The following ALDH1A1 variants were observed in gnomAD, a reference collection of about 807,000 sequenced individuals.
The protein encoded by ALDH1A1 is aldehyde dehydrogenase 1 family member A1, also known as aldehyde dehydrogenase 1A1.
Under a neutral mutation model 62.1 loss-of-function variants are expected in ALDH1A1, and 19 were observed. The observed-to-expected ratio is 0.31, with a 90% CI of 0.21 to 0.45. The LOEUF is 0.45. Ranked by LOEUF, ALDH1A1 falls within the 20% of genes least tolerant of loss-of-function variation. The pLI, the probability that ALDH1A1 is intolerant of heterozygous loss-of-function variation, is 1.00. For missense variants in ALDH1A1, 521 were observed against 607.1 expected, an observed-to-expected ratio of 0.86 and a Z score of 1.49; for synonymous variants, 231 against 215.9, an observed-to-expected ratio of 1.07 and a Z score of -0.61.
At chr9:72,908,668 G>T (rs1829938518) in intron 11 of ALDH1A1, among the ~76,000 whole-genome samples, 1 of 151,826 alleles carries the variant, frequency 6.6e-6, no homozygotes, top group African/African-American at 2.4e-5. Flanking sequence ...ACTTAGTGTT[G>T]GGAAGGAAAA....
intron 5 of ALDH1A1, 104 bp from the exon 6 acceptor site, chr9:72,925,716 C>T (rs540951235): frequency 2.9e-5 from 38 of 1,312,300 alleles, no homozygotes; most frequent in East Asian, 1.0e-4. Flanking sequence ...GTAATAATTG[C>T]GTAGTTTTGT....
intron 7 of ALDH1A1, among the ~76,000 whole-genome samples, 170 bp from the exon 8 acceptor site, chr9:72,918,992 G>A (rs1431460202): frequency 6.6e-6 from 1 of 152,076 alleles, no homozygotes; most frequent in African/African-American, 2.4e-5. Context: ...CTGGGCTGGA[G>A]TGCAGTGGCG....
intron 11 of ALDH1A1, among the ~76,000 whole-genome samples, chr9:72,908,616 AAAGAAAGAAAG>A (rs1829934315): frequency 8.6e-6 from 1 of 115,874 alleles, no homozygotes; most frequent in Non-Finnish European, 1.9e-5. Context: ...AGAAAGAAAG[AAAGAAAGAAAG>A]AGAATATTGC....
chr9:72,903,629 A>G (rs2118471891), intron 12 of ALDH1A1, among the ~76,000 whole-genome samples: 1 of 151,416 alleles, frequency 6.6e-6, no homozygotes, highest in East Asian at 1.9e-4. Flanking sequence ...AAAACCCACA[A>G]CTTTTTCCTT....
chr9:72,936,755 G>T (rs1018353499), intron 2 of ALDH1A1, among the ~76,000 whole-genome samples: 3 of 152,264 alleles, frequency 2.0e-5, no homozygotes, highest in Middle Eastern at 6.8e-3. Flanking sequence ...TTTCAGAGAG[G>T]TGCAGAGTGA....
chr9:72,930,872 T>A lies in ALDH1A1; in HGVS notation c.312+7A>T, dbSNP rs983134456. The A allele has an allele frequency of 6.2e-7, 1 of 1,613,944 alleles. No individual in the cohort carries two copies. Among genetic ancestry groups the A allele is most frequent in the Admixed American group, 1.7e-5 (1 of 60,016 alleles). ...CTAGCTACCCATCCAGCTTGGATAATACTCACCGCCAGCAGCAGACGATCT... is the reference window on the plus strand; with the variant it reads ...CTAGCTACCCATCCAGCTTGGATAAAACTCACCGCCAGCAGCAGACGATCT... On this transcript the variant is annotated splice_region_variant and intron_variant, in intron 3 of 12. Coordinates refer to ENST00000297785, the MANE Select transcript of ALDH1A1 (RefSeq NM_000689.5).
In ALDH1A1 at chr9:72,938,894, C is replaced by T. The variant is rs191106742; in HGVS notation, c.171+1254G>A. Among the ~76,000 whole-genome samples the T allele has an allele frequency of 3.1e-4, 47 of 152,068 alleles. No homozygotes were observed. The East Asian group carries it at 8.3e-3, about 27-fold the overall frequency. On this transcript the variant is annotated intron_variant, in intron 2 of 12. Coordinates refer to ENST00000297785, the MANE Select transcript of ALDH1A1 (RefSeq NM_000689.5). ...AGTAGCTGGGATTACAGGAACCCACCACCATGCCCAGCTAATTTTTGTATT... is the reference window on the plus strand; with the variant it reads ...AGTAGCTGGGATTACAGGAACCCACTACCATGCCCAGCTAATTTTTGTATT...
At chr9:72,904,810 A>G (rs904711172) in intron 12 of ALDH1A1, among the ~76,000 whole-genome samples, 3 of 152,092 alleles carry the variant, frequency 2.0e-5, no homozygotes, top group African/African-American at 7.2e-5. Context: ...TCCATAGGAT[A>G]TGGAATCCCA....
Position 72,905,978 on chromosome 9 carries a change from C to T in ALDH1A1, c.1413G>A (p.Met471Ile). The change falls in exon 12 of 13, where the codon ATG becomes ATA. Residue 471 changes from methionine (M) to isoleucine (I), a missense_variant. Met to Ile is a conservative substitution (Grantham distance 10). Coordinates refer to ENST00000297785, the MANE Select transcript of ALDH1A1 (RefSeq NM_000689.5). ...SAQCPFGGFK[M>I]SGNGRELGEY... ...CTTACAGTTCTCTTCCATTTCCAGA[C>T]ATCTTGAATCCACCAAAGGGGCACT... The T allele has an allele frequency of 6.2e-7, 1 of 1,611,360 alleles. No individual in the cohort carries two copies. Among genetic ancestry groups the T allele is most frequent in the South Asian group, 1.1e-5 (1 of 90,650 alleles).
At chr9:72,905,059 G>A (rs348471) in intron 12 of ALDH1A1, among the ~76,000 whole-genome samples, 76,930 of 151,790 alleles carry the variant, frequency 0.51, 19,495 homozygotes, top group Admixed American at 0.55. Context: ...GTTAGAGTAC[G>A]GTACTCAACC....
In ALDH1A1 at chr9:72,924,009, A is replaced by C; in HGVS notation, c.747+10T>G. On this transcript the variant is annotated intron_variant, in intron 7 of 12. Coordinates refer to ENST00000297785, the MANE Select transcript of ALDH1A1 (RefSeq NM_000689.5). ...CATTCTTAACTTTTGCCCTGAGTAA[A>C]TAATATTACCTCTGTTGATCCTGTG... The C allele has an allele frequency of 6.4e-7, 1 of 1,573,350 alleles. No homozygotes were observed. Among genetic ancestry groups the C allele is most frequent in the Non-Finnish European group, 8.6e-7 (1 of 1,157,960 alleles).
chr9:72,902,296 A>G (rs952499525), intron 12 of ALDH1A1, among the ~76,000 whole-genome samples: 1 of 152,078 alleles, frequency 6.6e-6, no homozygotes, highest in Non-Finnish European at 1.5e-5. Flanking sequence ...TTACATGTAT[A>G]TAAGAGTAGT....
intron 9 of ALDH1A1, among the ~76,000 whole-genome samples, chr9:72,915,381 C>T (rs1393069674): frequency 1.3e-5 from 2 of 152,066 alleles, no homozygotes; most frequent in Non-Finnish European, 2.9e-5. Flanking sequence ...TCAGATCTAT[C>T]AATCAATCAT....
intron 12 of ALDH1A1, among the ~76,000 whole-genome samples, chr9:72,903,521 C>A (rs534341387): frequency 6.6e-6 from 1 of 151,794 alleles, no homozygotes; most frequent in South Asian, 2.1e-4. Flanking sequence ...CTTGGAACAT[C>A]TTGCAGCAAA....
intron 2 of ALDH1A1, among the ~76,000 whole-genome samples, chr9:72,933,027 T>A (rs1564636868): frequency 6.6e-6 from 1 of 152,222 alleles, no homozygotes; most frequent in Non-Finnish European, 1.5e-5. Context: ...CTGCTATAAA[T>A]AAAGATGTTC....
intron 7 of ALDH1A1, among the ~76,000 whole-genome samples, chr9:72,921,038 G>C (rs1281821440): frequency 6.6e-6 from 1 of 152,160 alleles, no homozygotes; most frequent in East Asian, 1.9e-4. Context: ...ATGAGGTCAA[G>C]AGATCGAGAC....
chr9:72,940,068 T>C, intron 2 of ALDH1A1, 80 bp downstream of exon 2: 1 of 1,039,122 alleles, frequency 9.6e-7, no homozygotes, highest in Non-Finnish European at 1.5e-6. Flanking sequence ...CTTTTGGAGC[T>C]TGCAATGGGG....
intron 9 of ALDH1A1, among the ~76,000 whole-genome samples, chr9:72,914,050 G>A (rs1830027065): frequency 6.6e-6 from 1 of 152,132 alleles, no homozygotes; most frequent in African/African-American, 2.4e-5. Context: ...ATGTAGCTGG[G>A]GCTCTTTCAT....
At chr9:72,929,218 T>G (rs763117556) in intron 3 of ALDH1A1, among the ~76,000 whole-genome samples, 197 bp from the exon 4 acceptor site, 1 of 152,146 alleles carries the variant, frequency 6.6e-6, no homozygotes, top group Non-Finnish European at 1.5e-5. Flanking sequence ...CAAAGGGTAG[T>G]GAGATTCTGA....
Sources: allele counts gnomAD v4.1 joint callset (sites outside exome capture counted in the v4.1 genomes callset), GRCh38; gene constraint gnomAD v4.1.1; transcripts MANE v1.5; gene names NCBI Gene and HGNC (gene_info 2026-07-23, HGNC 2026-07-21).